Variants in PDSS2 observed in about 807,000 individuals in gnomAD.
PDSS2 encodes decaprenyl diphosphate synthase subunit 2.
A neutral mutation model predicts 44.5 loss-of-function variants in PDSS2; 31 were observed. The ratio of observed to expected loss-of-function variants is 0.70; its 90% confidence interval spans 0.52 to 0.94. The LOEUF is 0.94. Ranked by LOEUF, PDSS2 falls within the 40% of genes least tolerant of loss-of-function variation. PDSS2 has a pLI of 0.00. For missense variants in PDSS2, 452 were observed against 482.2 expected (o/e 0.94, Z 0.59); for synonymous variants, 157 against 180.3 (o/e 0.87, Z 1.03).
Position 107,412,233 on chromosome 6 carries a change from C to CTTTT in PDSS2, c.296+46753_296+46756dup, listed in dbSNP as rs1169549611. ...AAACTATCTGTTCATGTCCTTTGCT[C>CTTTT]TTTTTTTTTTTTTTTTTTTTTTTTG... On this transcript the variant is annotated intron_variant, in intron 1 of 7. Transcript: ENST00000369037. Among the ~76,000 whole-genome samples the CTTTT allele has an allele frequency of 2.6e-3, 188 of 73,434 alleles. 1 individual carries two copies. The highest frequency in any genetic ancestry group is 9.3e-3 in the East Asian group (24 of 2,568). 48.2% of individuals were successfully genotyped at this position (73,434 alleles called of 152,430 possible). A position where few individuals can be genotyped will look rare whatever the true frequency, so the allele number is the denominator to read the frequency against.
intron 7 of PDSS2, among the ~76,000 whole-genome samples, chr6:107,165,679 T>A (rs1554247392): frequency 6.6e-6 from 1 of 151,820 alleles, no homozygotes; most frequent in Non-Finnish European, 1.5e-5. Flanking sequence ...AACTTTAAAG[T>A]AGTTTTTTCC....
intron 1 of PDSS2, among the ~76,000 whole-genome samples, chr6:107,389,158 T>C (rs1779703975): frequency 6.6e-6 from 1 of 152,130 alleles, no homozygotes. Flanking sequence ...GTAGTGAATA[T>C]ATGACACTGG....
chr6:107,262,426 T>A (rs997282208), intron 3 of PDSS2, among the ~76,000 whole-genome samples: 4 of 152,198 alleles, frequency 2.6e-5, no homozygotes, highest in African/African-American at 9.6e-5. Flanking sequence ...AAACCAAGGA[T>A]CTTCAAGTTG....
chr6:107,159,712 T>C (rs1260252506), intron 7 of PDSS2, among the ~76,000 whole-genome samples: 1 of 151,774 alleles, frequency 6.6e-6, no homozygotes, highest in Non-Finnish European at 1.5e-5. Flanking sequence ...GCCACTGCGC[T>C]GGGCCAAGCT....
chr6:107,395,582 A>G lies in PDSS2; in HGVS notation c.297-61250T>C, dbSNP rs117511388. 2.2e-4 allele frequency among the ~76,000 whole-genome samples: 34 copies of G among 152,144 alleles called. No individual in the cohort carries two copies. The East Asian group carries it at 6.0e-3, about 27-fold the overall frequency. Reference sequence around the variant, plus strand: ...GTGAAATTCATTAAATATACTTTATATTTCATCTTTATAAGTTCCATTTGG... The same window carrying G: ...GTGAAATTCATTAAATATACTTTATGTTTCATCTTTATAAGTTCCATTTGG... On this transcript the variant is annotated intron_variant, in intron 1 of 7. Coordinates refer to ENST00000369037, the MANE Select transcript of PDSS2 (RefSeq NM_020381.4).
intron 1 of PDSS2, among the ~76,000 whole-genome samples, chr6:107,427,961 T>C (rs1781057716): frequency 6.6e-6 from 1 of 152,236 alleles, no homozygotes; most frequent in African/African-American, 2.4e-5. Context: ...GGAACAAATT[T>C]TGGATTGACA....
chr6:107,206,711 G>GT (rs1772989258), intron 6 of PDSS2, among the ~76,000 whole-genome samples: 1 of 152,048 alleles, frequency 6.6e-6, no homozygotes, highest in African/African-American at 2.4e-5. Context: ...CATAATGTTT[G>GT]AAGAAAGTTT....
chr6:107,209,055 T>C (rs999481924), intron 6 of PDSS2, among the ~76,000 whole-genome samples: 4 of 152,202 alleles, frequency 2.6e-5, no homozygotes, highest in Admixed American at 6.5e-5. Flanking sequence ...TATTCTTGAA[T>C]TGTCCTTTTT....
At chr6:107,420,295 T>A (rs1049417330) in intron 1 of PDSS2, among the ~76,000 whole-genome samples, 2 of 152,112 alleles carry the variant, frequency 1.3e-5, no homozygotes, top group Non-Finnish European at 2.9e-5. Flanking sequence ...CCAGAACCAG[T>A]CCCACACAGA....
intron 1 of PDSS2, among the ~76,000 whole-genome samples, chr6:107,343,264 AT>A (rs577959584): frequency 2.8e-4 from 42 of 150,862 alleles, no homozygotes; most frequent in African/African-American, 8.5e-4. Flanking sequence ...CCCTAGTTAA[AT>A]TTTTTTTTTC....
At chr6:107,163,162 C>A (rs1391058446) in intron 7 of PDSS2, among the ~76,000 whole-genome samples, 5 of 152,164 alleles carry the variant, frequency 3.3e-5, no homozygotes, top group African/African-American at 1.2e-4. Flanking sequence ...CCTCTATGAG[C>A]TTTATTCAGC....
At chr6:107,245,384 C>T (rs147108793) in intron 4 of PDSS2, among the ~76,000 whole-genome samples, 164 bp downstream of exon 4, 3 of 116,206 alleles carry the variant, frequency 2.6e-5, no homozygotes, top group Non-Finnish European at 4.8e-5. Flanking sequence ...ATGTAGTAAG[C>T]GTATGGCCAT....
chr6:107,164,978 G>A (rs780605871), intron 7 of PDSS2, among the ~76,000 whole-genome samples: 3 of 152,106 alleles, frequency 2.0e-5, no homozygotes, highest in Non-Finnish European at 4.4e-5. Flanking sequence ...TTGAGTTTCC[G>A]TCTGTTCATA....
At chr6:107,376,546 T>C (rs1390719920) in intron 1 of PDSS2, among the ~76,000 whole-genome samples, 1 of 152,232 alleles carries the variant, frequency 6.6e-6, no homozygotes, top group Admixed American at 6.5e-5. Context: ...GGTTCACTCA[T>C]GATTTGGCTC....
At chr6:107,400,261 A>C (rs1008211599) in intron 1 of PDSS2, among the ~76,000 whole-genome samples, 2 of 152,090 alleles carry the variant, frequency 1.3e-5, no homozygotes, top group African/African-American at 4.8e-5. Context: ...GGTCCTAATT[A>C]ATTAGGGGAC....
intron 4 of PDSS2, among the ~76,000 whole-genome samples, chr6:107,234,561 C>T (rs148732481): frequency 1.3e-5 from 2 of 151,134 alleles, no homozygotes; most frequent in African/African-American, 4.9e-5. Flanking sequence ...ATTTGCCTAT[C>T]AGTCTACAAA....
intron 2 of PDSS2, among the ~76,000 whole-genome samples, chr6:107,279,560 C>T (rs1436909765): frequency 1.3e-5 from 2 of 152,306 alleles, no homozygotes; most frequent in South Asian, 4.2e-4. Flanking sequence ...TCCCTTAAAT[C>T]AGACCCGTGG....
At chr6:107,182,206 G>C (rs1382127234) in intron 7 of PDSS2, among the ~76,000 whole-genome samples, 1 of 152,122 alleles carries the variant, frequency 6.6e-6, no homozygotes, top group Non-Finnish European at 1.5e-5. Context: ...CTTGATGATA[G>C]GAATGAATAA....
intron 1 of PDSS2, among the ~76,000 whole-genome samples, chr6:107,365,083 A>T (rs907705954): frequency 6.6e-6 from 1 of 152,210 alleles, no homozygotes; most frequent in Non-Finnish European, 1.5e-5. Context: ...AGTGTAAAAA[A>T]TAGTGAATAG....
Sources: gnomAD v4.1 joint callset for allele counts (sites outside exome capture counted in the v4.1 genomes callset) on GRCh38, gnomAD v4.1.1 for gene constraint, MANE v1.5 for transcripts, NCBI Gene and HGNC (gene_info 2026-07-23, HGNC 2026-07-21) for gene names.